Variants in GALNTL6 observed in about 807,000 individuals in gnomAD.
GALNTL6 encodes the protein polypeptide N-acetylgalactosaminyltransferase-like 6.
In GALNTL6, 46 loss-of-function variants were observed where a neutral mutation model predicts 73.7. The ratio of observed to expected loss-of-function variants is 0.62; its 90% CI spans 0.49 to 0.80. The LOEUF (loss-of-function observed/expected upper bound fraction) is 0.80. GALNTL6 is among the 30% of genes least tolerant of loss of function. The pLI, the probability that GALNTL6 is intolerant of heterozygous loss-of-function variation, is 0.00. For synonymous variants in GALNTL6, 259 were observed against 263.7 expected, an observed-to-expected ratio of 0.98 and a Z score of 0.17; for missense variants, 604 against 755.0, an observed-to-expected ratio of 0.80 and a Z score of 2.34.
chr4:172,449,747 C>A (rs1344712245), intron 5 of GALNTL6, among the ~76,000 whole-genome samples: 1 of 152,114 alleles, frequency 6.6e-6, no homozygotes, highest in Non-Finnish European at 1.5e-5. Context: ...CCTTTCTCAT[C>A]CCTATTAATG....
chr4:172,116,775 A>C (rs926587941), intron 2 of GALNTL6, among the ~76,000 whole-genome samples: 2 of 152,204 alleles, frequency 1.3e-5, no homozygotes, highest in Non-Finnish European at 2.9e-5. Flanking sequence ...TTCTAAATAA[A>C]GTTAAAAGTG....
At chr4:172,713,560 G>T (rs1038687709) in intron 5 of GALNTL6, among the ~76,000 whole-genome samples, 4 of 152,062 alleles carry the variant, frequency 2.6e-5, no homozygotes, top group Admixed American at 6.6e-5. Context: ...AAGCACCATC[G>T]CAGGGTACTG....
intron 2 of GALNTL6, among the ~76,000 whole-genome samples, chr4:171,989,111 G>A (rs147311470): frequency 0.013 from 1,946 of 152,062 alleles, 41 homozygotes; most frequent in African/African-American, 0.043. Context: ...AAGCCTGGCC[G>A]TCAATAGCAC....
At chr4:172,653,423 G>A (rs546498928) in intron 5 of GALNTL6, among the ~76,000 whole-genome samples, 4 of 152,108 alleles carry the variant, frequency 2.6e-5, no homozygotes, top group African/African-American at 9.6e-5. Flanking sequence ...GTTTCACCAT[G>A]TTAGCCAGGC....
chr4:172,071,964 G>T (rs1731545161), intron 2 of GALNTL6, among the ~76,000 whole-genome samples: 1 of 152,172 alleles, frequency 6.6e-6, no homozygotes. Flanking sequence ...GGGATCAATT[G>T]TTACAGAAGT....
At chr4:172,584,402 T>G (rs1396619798) in intron 5 of GALNTL6, among the ~76,000 whole-genome samples, 5 of 152,068 alleles carry the variant, frequency 3.3e-5, no homozygotes, top group Admixed American at 3.3e-4. Flanking sequence ...AAAATAGAGA[T>G]ATAGCTAGAG....
intron 2 of GALNTL6, among the ~76,000 whole-genome samples, chr4:172,192,056 TTAA>T (rs1461049694): frequency 1.1e-4 from 17 of 152,218 alleles, no homozygotes; most frequent in African/African-American, 3.8e-4. Context: ...AGCTGAACAA[TTAA>T]TAAGAGTTCA....
At chr4:172,914,677 T>C (rs952571425) in intron 8 of GALNTL6, among the ~76,000 whole-genome samples, 25 of 152,226 alleles carry the variant, frequency 1.6e-4, no homozygotes, top group African/African-American at 4.3e-4. Context: ...GGTAAAGGGA[T>C]CAATTCAACA....
chr4:171,929,774 A>T (rs1260461056), intron 2 of GALNTL6, among the ~76,000 whole-genome samples: 1 of 152,104 alleles, frequency 6.6e-6, no homozygotes, highest in Non-Finnish European at 1.5e-5. Flanking sequence ...TCCTGGAGAG[A>T]CTGCAGCAGC....
At chr4:171,989,082 G>A (rs1456673587) in intron 2 of GALNTL6, among the ~76,000 whole-genome samples, 2 of 152,128 alleles carry the variant, frequency 1.3e-5, no homozygotes, top group Admixed American at 6.5e-5. Flanking sequence ...CCAGAGTTGG[G>A]GAGTTTTAAG....
At chr4:172,254,111 TAAG>T (rs1458698470) in intron 3 of GALNTL6, among the ~76,000 whole-genome samples, 2 of 151,762 alleles carry the variant, frequency 1.3e-5, no homozygotes, top group African/African-American at 4.8e-5. Context: ...GAGTTTTTGA[TAAG>T]AAATCAACAT....
chr4:172,583,941 C>T (rs952397803), intron 5 of GALNTL6, among the ~76,000 whole-genome samples: 9 of 142,406 alleles, frequency 6.3e-5, no homozygotes, highest in Admixed American at 1.4e-4. Flanking sequence ...GGCAGTAGAA[C>T]GCAATGTAAA....
chr4:172,379,642 T>TC (rs1561055850), intron 5 of GALNTL6, among the ~76,000 whole-genome samples: 2 of 135,244 alleles, frequency 1.5e-5, no homozygotes, highest in Non-Finnish European at 3.2e-5. Flanking sequence ...TAAAACTACC[T>TC]CCCCCCTGAA....
intron 2 of GALNTL6, among the ~76,000 whole-genome samples, chr4:172,020,748 A>G (rs1362535599): frequency 1.3e-5 from 2 of 152,008 alleles, no homozygotes; most frequent in Non-Finnish European, 2.9e-5. Context: ...ACTAATACCA[A>G]TCCTACTGAA....
At chr4:172,114,154 A>C (rs1732927054) in intron 2 of GALNTL6, among the ~76,000 whole-genome samples, 1 of 152,112 alleles carries the variant, frequency 6.6e-6, no homozygotes, top group South Asian at 2.1e-4. Context: ...GAATGCAGAA[A>C]ATACTTATGA....
chr4:173,024,152 C>A (rs548496268), intron 12 of GALNTL6, among the ~76,000 whole-genome samples: 9 of 152,232 alleles, frequency 5.9e-5, no homozygotes, highest in African/African-American at 2.2e-4. Context: ...AGAAAAAAAA[C>A]TGGCTGCAGT....
At chr4:172,171,796 G>C (rs2110823296) in intron 2 of GALNTL6, among the ~76,000 whole-genome samples, 1 of 152,222 alleles carries the variant, frequency 6.6e-6, no homozygotes, top group African/African-American at 2.4e-5. Flanking sequence ...ATGCACTCCA[G>C]CCTGGCTGTC....
At chr4:172,604,202 T>C (rs991057285) in intron 5 of GALNTL6, among the ~76,000 whole-genome samples, 3 of 152,174 alleles carry the variant, frequency 2.0e-5, no homozygotes, top group African/African-American at 7.2e-5. Flanking sequence ...AGGATACATT[T>C]CTGTCAAAAT....
chr4:172,455,529 C>T (rs979137331), intron 5 of GALNTL6, among the ~76,000 whole-genome samples: 1 of 152,130 alleles, frequency 6.6e-6, no homozygotes, highest in South Asian at 2.1e-4. Flanking sequence ...CGGGGAAAGG[C>T]GTCCACCATT....
Sources: gnomAD v4.1 joint callset for allele counts (sites outside exome capture counted in the v4.1 genomes callset) on GRCh38, gnomAD v4.1.1 for gene constraint, MANE v1.5 for transcripts, NCBI Gene and HGNC (gene_info 2026-07-23, HGNC 2026-07-21) for gene names.